The following NDUFA10 variants were observed in gnomAD, a reference collection of about 807,000 sequenced individuals.
NDUFA10 encodes NADH:ubiquinone oxidoreductase subunit A10, also known as NADH dehydrogenase [ubiquinone] 1 alpha subcomplex subunit 10, mitochondrial.
NDUFA10 carries 40 observed loss-of-function variants against 47.8 expected under a neutral mutation model. The ratio of observed to expected loss-of-function variants is 0.84; its 90% CI spans 0.65 to 1.09. The LOEUF (loss-of-function observed/expected upper bound fraction) is 1.09. Among genes scored for constraint, NDUFA10 ranks in the 50% least tolerant of loss-of-function variants. The pLI is 0.00. For synonymous variants in NDUFA10, 183 were observed against 172.2 expected (o/e 1.06, Z -0.49); for missense variants, 413 against 451.1 (o/e 0.92, Z 0.76).
chr2:239,922,534 C>G (rs114427291), intron 4 of NDUFA10, among the ~76,000 whole-genome samples: 39 of 152,342 alleles, frequency 2.6e-4, no homozygotes, highest in African/African-American at 9.4e-4. Context: ...TTCCTCTAGA[C>G]AGTACAATGA....
Position 239,947,408 on chromosome 2 carries a change from G to A in NDUFA10, c.294+42666C>T, listed in dbSNP as rs921934097. ...TGTGTGCCTGCCTTCTGCACGCCCC[G>A]CTGGGCTTCCTGCAGCCACAGCCAA... is the stretch of plus-strand genomic sequence containing the variant. On this transcript the variant is annotated intron_variant, in intron 4 of 5. Coordinates refer to the NDUFA10 transcript ENST00000419408. Among the ~76,000 whole-genome samples, 8 of 152,288 alleles carry A rather than the reference G, an allele frequency of 5.3e-5. No homozygotes were observed. In the East Asian group the frequency reaches 9.6e-4, roughly 18 times the overall value.
intron 3 of NDUFA10, 54 bp downstream of exon 3, chr2:240,021,143 T>C: frequency 6.7e-7 from 1 of 1,498,680 alleles, no homozygotes; most frequent in Non-Finnish European, 9.3e-7. Flanking sequence ...CGTGGTTGAA[T>C]TCTAGAATAG....
chr2:239,983,548 A>C (rs781212673), intron 9 of NDUFA10: 1 of 1,602,294 alleles, frequency 6.2e-7, no homozygotes, highest in African/African-American at 1.3e-5. Context: ...TGTGGTGTGC[A>C]TGGGGCTTTC....
At position 239,906,852 on chromosome 2, in the gene NDUFA10, C is replaced by T. The variant is rs941092291; in HGVS notation, c.295-11538G>A. 1.3e-5 allele frequency among the ~76,000 whole-genome samples: 2 copies of T among 152,182 alleles called. No individual in the cohort carries two copies. Among genetic ancestry groups the T allele is most frequent in the African/African-American group, 4.8e-5 (2 of 41,446 alleles). On this transcript the variant is annotated intron_variant, in intron 4 of 5. Coordinates refer to the NDUFA10 transcript ENST00000419408. This position sits in a 1 kb window ranked among gnomAD's most constrained non-coding sequence, Gnocchi z 4.3. ...TACTGCACAAGGTAATTTATAGATT[C>T]AATGCCATCCCCACCAAGCTACCAA...
Position 240,013,720 on chromosome 2 carries a change from ACTGTTG to A in NDUFA10, c.669+1013_669+1018del, listed in dbSNP as rs1029211175. On this transcript the variant is annotated intron_variant, in intron 5 of 9. Coordinates refer to ENST00000252711, the MANE Select transcript of NDUFA10 (RefSeq NM_004544.4). ...AGCAGCAAAAAATAACCAGAGCTTT[ACTGTTG>A]CCCTGACAAGAACCCACCATCCAGA... The A allele has an allele frequency of 1.8e-4, 28 of 152,228 alleles. 1 individual carries two copies. The highest frequency in any genetic ancestry group is 1.7e-3 in the Admixed American group (26 of 15,282). The allele number at this position is 152,228 out of a possible 1,614,324, so 9.4% of individuals were successfully genotyped here.
intron 9 of NDUFA10, chr2:239,973,682 T>C: frequency 2.2e-6 from 1 of 454,316 alleles, no homozygotes; most frequent in South Asian, 1.6e-5. Flanking sequence ...AGAAACCAAA[T>C]CACAGTTTGT....
chr2:239,955,827 C>T (rs1416758235), downstream of NDUFA10, among the ~76,000 whole-genome samples: 1 of 152,148 alleles, frequency 6.6e-6, no homozygotes, highest in African/African-American at 2.4e-5. Flanking sequence ...CTGATACTAC[C>T]TCACCTGTGG....
chr2:239,936,084 G>A (rs34283443), intron 4 of NDUFA10, among the ~76,000 whole-genome samples: 35,569 of 152,160 alleles, frequency 0.23, 4,637 homozygotes, highest in Middle Eastern at 0.33. Flanking sequence ...TTATTACAAG[G>A]GCAGCTGTGG....
intron 9 of NDUFA10, chr2:239,982,262 C>CA: frequency 1.9e-6 from 3 of 1,601,684 alleles, no homozygotes; most frequent in Non-Finnish European, 2.6e-6. Context: ...TCGCCTCTGA[C>CA]AAAGGCCGAC....
intron 4 of NDUFA10, among the ~76,000 whole-genome samples, chr2:239,942,125 C>T (rs556349897): frequency 6.6e-6 from 1 of 152,366 alleles, no homozygotes; most frequent in South Asian, 2.1e-4. Context: ...CTGCCTTTGT[C>T]CACCTTCCTA....
chr2:239,934,686 T>G (rs998585562), intron 4 of NDUFA10, among the ~76,000 whole-genome samples: 1 of 152,174 alleles, frequency 6.6e-6, no homozygotes, highest in African/African-American at 2.4e-5. Context: ...TAGAGGGCGC[T>G]GGACCTCATT....
At position 239,958,280 on chromosome 2, in the gene NDUFA10, G is replaced by C. The variant is rs532456176; in HGVS notation, c.*2838C>G. ...CTATGCTTCTTCCCAGAAAGTAGCC[G>C]CCTGCTTGCTTCTTTGCATTGACAT... On this transcript the variant is annotated 3_prime_UTR_variant, in exon 10 of 10. Coordinates refer to ENST00000252711, the MANE Select transcript of NDUFA10 (RefSeq NM_004544.4). The C allele has an allele frequency of 1.3e-5, 2 of 152,150 alleles. No homozygotes were observed. The highest frequency in any genetic ancestry group is 4.8e-5 in the African/African-American group (2 of 41,418). The allele number at this position is 152,150 out of a possible 1,614,324, so 9.4% of individuals were successfully genotyped here.
At chr2:239,913,063 C>G (rs565988978) in intron 4 of NDUFA10, among the ~76,000 whole-genome samples, 2 of 145,062 alleles carry the variant, frequency 1.4e-5, no homozygotes, top group African/African-American at 2.7e-5. Flanking sequence ...CTCTGCCACT[C>G]GGGGCCACTG....
In NDUFA10 at chr2:239,919,004, T is replaced by A. The variant is rs183954750; in HGVS notation, c.295-23690A>T. On this transcript the variant is annotated intron_variant, in intron 4 of 5. Coordinates refer to the NDUFA10 transcript ENST00000419408. The stretch of plus-strand genomic sequence containing the variant: ...ACAGTAACCGGCTGCTTCCACCCCA[T>A]GAAGGGCAGACTCCTGACAAGATCT... Among the ~76,000 whole-genome samples the A allele has an allele frequency of 1.2e-4, 19 of 152,276 alleles. No individual in the cohort carries two copies. In the East Asian group the frequency reaches 3.5e-3, roughly 28 times the overall value.
At chr2:239,897,162 CCTT>C (rs5839827) in intron 4 of NDUFA10, among the ~76,000 whole-genome samples, 21,932 of 152,140 alleles carry the variant, frequency 0.14, 1,780 homozygotes, top group Admixed American at 0.22. Flanking sequence ...ACTTCGTATC[CCTT>C]CTTTTCATTT....
At chr2:239,935,547 C>A (rs1694251510) in intron 4 of NDUFA10, among the ~76,000 whole-genome samples, 1 of 152,182 alleles carries the variant, frequency 6.6e-6, no homozygotes, top group Non-Finnish European at 1.5e-5. Context: ...GACTCCCTGG[C>A]TGTCTCACTC....
At chr2:239,970,481 T>G (rs964163709) in intron 9 of NDUFA10, among the ~76,000 whole-genome samples, 7 of 152,054 alleles carry the variant, frequency 4.6e-5, no homozygotes, top group Non-Finnish European at 1.0e-4. Context: ...TCAGAAATGG[T>G]AGAGGGAAGG....
At chr2:239,973,118 G>GA (rs1288278146) in intron 9 of NDUFA10, among the ~76,000 whole-genome samples, 7 of 152,192 alleles carry the variant, frequency 4.6e-5, no homozygotes, top group African/African-American at 7.2e-5. Flanking sequence ...GATTAACGCC[G>GA]AGTTTCTATG....
intron 4 of NDUFA10, among the ~76,000 whole-genome samples, chr2:239,907,234 C>G (rs533909775): frequency 6.6e-6 from 1 of 152,324 alleles, no homozygotes; most frequent in East Asian, 1.9e-4. Context: ...GGATCTCTTC[C>G]TTACACCTTA....
Sources: gnomAD v4.1 joint callset for allele counts (sites outside exome capture counted in the v4.1 genomes callset) on GRCh38, gnomAD v4.1.1 for gene constraint, Gnocchi (gnomAD v3.1) non-coding constraint, MANE v1.5 for transcripts, NCBI Gene and HGNC (gene_info 2026-07-23, HGNC 2026-07-21) for gene names.